DPP6: variants seen among roughly 807,000 people sequenced by gnomAD.
DPP6 encodes dipeptidyl peptidase like 6.
A neutral mutation model predicts 122.6 loss-of-function variants in DPP6; 69 were observed. The ratio of observed to expected loss-of-function variants is 0.56; its 90% CI spans 0.46 to 0.69. The LOEUF (loss-of-function observed/expected upper bound fraction) is 0.69. Ranked by LOEUF, DPP6 falls within the 30% of genes least tolerant of loss-of-function variation. The pLI is 0.00. For synonymous variants in DPP6, 418 were observed against 433.1 expected (o/e 0.97, Z 0.43); for missense variants, 928 against 1,116.9 (o/e 0.83, Z 2.41).
the DPP6 span, among the ~76,000 whole-genome samples, chr7:153,830,444 A>C: frequency 6.6e-6 from 1 of 152,206 alleles, no homozygotes; most frequent in Non-Finnish European, 1.5e-5. Context: ...ATGGCCTAAC[A>C]CAGGTCTTTG....
intron 1 of DPP6, among the ~76,000 whole-genome samples, chr7:154,414,023 G>T (rs1009523146): frequency 6.6e-5 from 10 of 152,110 alleles, no homozygotes; most frequent in African/African-American, 2.4e-4. Context: ...TGAAGCCATC[G>T]TGTCCATCAT....
intron 1 of DPP6, among the ~76,000 whole-genome samples, chr7:154,111,299 G>A (rs1458699905): frequency 6.6e-6 from 1 of 152,216 alleles, no homozygotes; most frequent in African/African-American, 2.4e-5. Flanking sequence ...ATTGGGTGGT[G>A]CCCACTCCCG....
chr7:153,941,050 A>G (rs1028201974), intron 1 of DPP6, among the ~76,000 whole-genome samples: 4 of 152,192 alleles, frequency 2.6e-5, no homozygotes, highest in African/African-American at 9.7e-5. Context: ...TCAGTTCTAC[A>G]CTGATTTTAT....
intron 13 of DPP6, 134 bp downstream of exon 13, chr7:154,801,596 G>T: frequency 7.8e-7 from 1 of 1,280,720 alleles, no homozygotes; most frequent in African/African-American, 1.5e-5. Context: ...CGAAGGCAGG[G>T]CAGGGCATGG....
chr7:154,680,686 A>ATATAT (rs372444601), intron 7 of DPP6, among the ~76,000 whole-genome samples: 20,382 of 133,406 alleles, frequency 0.15, 1,502 homozygotes, highest in East Asian at 0.38. Flanking sequence ...TTATATATAT[A>ATATAT]TTTTTTTTAA....
chr7:154,031,877 T>TTTTTTG (rs1491330446), intron 1 of DPP6, among the ~76,000 whole-genome samples: 2 of 87,040 alleles, frequency 2.3e-5, no homozygotes, highest in Non-Finnish European at 4.6e-5. Flanking sequence ...TTTTTTTTTT[T>TTTTTTG]GGGGGACGGG....
intron 7 of DPP6, among the ~76,000 whole-genome samples, chr7:154,676,971 A>G (rs528080488): frequency 6.6e-6 from 1 of 152,332 alleles, no homozygotes; most frequent in African/African-American, 2.4e-5. Flanking sequence ...AGCCTACAAA[A>G]TATGTGGAGG....
intron 5 of DPP6, among the ~76,000 whole-genome samples, chr7:154,589,739 T>C (rs1832691068): frequency 6.6e-6 from 1 of 152,210 alleles, no homozygotes; most frequent in Non-Finnish European, 1.5e-5. Context: ...TTTAACGACC[T>C]TCAGATATTT....
intron 1 of DPP6, among the ~76,000 whole-genome samples, chr7:154,341,872 A>G (rs185480397): frequency 6.6e-4 from 100 of 152,178 alleles, no homozygotes; most frequent in Non-Finnish European, 1.2e-3. Context: ...ATTTAGAACC[A>G]ATTAAAGAGA....
At chr7:153,866,155 A>T in the DPP6 span, among the ~76,000 whole-genome samples, 3 of 152,136 alleles carry the variant, frequency 2.0e-5, no homozygotes, top group African/African-American at 4.8e-5. Context: ...TACAATCCTT[A>T]GGGTATTTAC....
At chr7:154,575,452 G>GTGTGTGTGATATGTGTGTA (rs1831562388) in intron 5 of DPP6, among the ~76,000 whole-genome samples, 1 of 120,792 alleles carries the variant, frequency 8.3e-6, no homozygotes, top group African/African-American at 3.2e-5. Flanking sequence ...GTGTGTGTAT[G>GTGTGTGTGATATGTGTGTA]TGTGTGNGCG....
At chr7:154,746,073 A>C (rs6953917) in intron 8 of DPP6, among the ~76,000 whole-genome samples, 52,261 of 152,032 alleles carry the variant, frequency 0.34, 10,920 homozygotes, top group African/African-American at 0.6. Context: ...AAGAAAAAAG[A>C]AGACTGTAGA....
chr7:153,866,931 C>G, the DPP6 span, among the ~76,000 whole-genome samples: 10 of 151,976 alleles, frequency 6.6e-5, no homozygotes, highest in South Asian at 2.1e-4. Flanking sequence ...GCTTGTTTTT[C>G]TCAGGTTTGT....
chr7:154,357,147 G>T (rs145947116), intron 1 of DPP6, among the ~76,000 whole-genome samples: 1 of 151,972 alleles, frequency 6.6e-6, no homozygotes, highest in African/African-American at 2.4e-5. Context: ...TATAGTAAAA[G>T]CAAGAGGTTA....
In DPP6 at chr7:153,925,410, G is replaced by A. The variant is rs571513260; in HGVS notation, c.51+37676G>A. ...TCCCGCATCGTGGAGGGTCCCTGAGGTTCTGATGAGGGGAGATCATCCTGC... is the reference window on the plus strand; with the variant it reads ...TCCCGCATCGTGGAGGGTCCCTGAGATTCTGATGAGGGGAGATCATCCTGC... On this transcript the variant is annotated intron_variant, in intron 1 of 25. Transcript: ENST00000404039. Among the ~76,000 whole-genome samples the A allele has an allele frequency of 2.6e-5, 4 of 151,912 alleles. No individual in the cohort carries two copies. In the East Asian group the frequency reaches 5.8e-4, roughly 22 times the overall value.
chr7:154,872,331 G>C (rs1183619004), intron 18 of DPP6, among the ~76,000 whole-genome samples: 1 of 152,238 alleles, frequency 6.6e-6, no homozygotes, highest in Non-Finnish European at 1.5e-5. Context: ...CTGAAATTCT[G>C]CTGCTAGCGA....
the DPP6 span, among the ~76,000 whole-genome samples, chr7:153,809,396 C>G: frequency 6.6e-6 from 1 of 152,108 alleles, no homozygotes; most frequent in Non-Finnish European, 1.5e-5. Flanking sequence ...TCCCTGTGAC[C>G]CAGCGCTGTG....
At chr7:153,895,195 T>TC (rs1216168410) in intron 1 of DPP6, among the ~76,000 whole-genome samples, 3 of 151,654 alleles carry the variant, frequency 2.0e-5, no homozygotes, top group South Asian at 2.1e-4. Flanking sequence ...GTGTCTGAGG[T>TC]CCCCCCGAAA....
chr7:154,059,618 G>C (rs1157447786), intron 1 of DPP6: 3 of 148,978 alleles, frequency 2.0e-5, no homozygotes, highest in East Asian at 3.9e-4. Context: ...AGGTCACAAA[G>C]GGGGCGGGGA....
Sources: gnomAD v4.1 joint callset for allele counts (sites outside exome capture counted in the v4.1 genomes callset) on GRCh38, gnomAD v4.1.1 for gene constraint, MANE v1.5 for transcripts, NCBI Gene and HGNC (gene_info 2026-07-23, HGNC 2026-07-21) for gene names.